RERE: variants seen among roughly 807,000 people sequenced by gnomAD.
RERE encodes the protein arginine-glutamic acid dipeptide repeats protein.
Under a neutral mutation model 146.1 loss-of-function variants are expected in RERE, and 40 were observed. The observed-to-expected ratio is 0.27, with a 90% CI of 0.21 to 0.36. RERE has a LOEUF of 0.36. Ranked by LOEUF, RERE falls within the 10% of genes least tolerant of loss-of-function variation. The pLI, the probability that RERE is intolerant of heterozygous loss-of-function variation, is 1.00. For missense variants in RERE, 1,933 were observed against 2,138.7 expected, an observed-to-expected ratio of 0.90 and a Z score of 1.90; for synonymous variants, 1,003 against 866.0, an observed-to-expected ratio of 1.16 and a Z score of -2.78.
chr1:8,423,607 AG>A lies in RERE; in HGVS notation c.1204-801del, dbSNP rs1198543775. The A allele has an allele frequency of 8.1e-6, 8 of 984,784 alleles. No homozygotes were observed. Among genetic ancestry groups the A allele is most frequent in the Non-Finnish European group, 7.2e-6 (6 of 829,784 alleles). 61.0% of individuals were successfully genotyped at this position (984,784 alleles called of 1,614,324 possible). ...CCGGGCGGCCGACCCCAGCAGCCAC[AG>A]GTAAGCGCCCGGGGTCCGGGGCGGC... On this transcript the variant is annotated intron_variant, in intron 11 of 22. Coordinates refer to ENST00000400908, the MANE Select transcript of RERE (RefSeq NM_001042681.2). This position sits in a 1 kb window ranked among gnomAD's most constrained non-coding sequence, Gnocchi z 5.4.
intron 1 of RERE, among the ~76,000 whole-genome samples, chr1:8,732,080 G>A (rs1640098720): frequency 6.6e-6 from 1 of 152,132 alleles, no homozygotes; most frequent in African/African-American, 2.4e-5. Context: ...TGGGATTATA[G>A]GCATGAGCCA....
chr1:8,398,792 C>T (rs184724141), intron 12 of RERE, among the ~76,000 whole-genome samples: 1 of 152,074 alleles, frequency 6.6e-6, no homozygotes, highest in Non-Finnish European at 1.5e-5. Flanking sequence ...TGCTATACAT[C>T]GAAAAATTTG....
intron 4 of RERE, among the ~76,000 whole-genome samples, chr1:8,600,811 G>A (rs527942407): frequency 4.8e-5 from 7 of 144,618 alleles, no homozygotes; most frequent in African/African-American, 1.6e-4. Context: ...CTGGAGTGCA[G>A]TGGTGCAATC....
At chr1:8,467,437 T>C (rs1415494709) in intron 10 of RERE, among the ~76,000 whole-genome samples, 1 of 152,190 alleles carries the variant, frequency 6.6e-6, no homozygotes. Flanking sequence ...AGCCATGTGT[T>C]TCCTCTTTCT....
chr1:8,377,875 C>T (rs1213701099), intron 12 of RERE, among the ~76,000 whole-genome samples: 1 of 152,056 alleles, frequency 6.6e-6, no homozygotes, highest in Non-Finnish European at 1.5e-5. Context: ...AATTGAATGA[C>T]AGGGGCTGGA....
At chr1:8,732,821 T>C (rs1017801665) in intron 1 of RERE, among the ~76,000 whole-genome samples, 3 of 139,464 alleles carry the variant, frequency 2.2e-5, no homozygotes, top group Non-Finnish European at 3.1e-5. Context: ...TTTTTTTTTT[T>C]TTTTTTTTTT....
intron 1 of RERE, among the ~76,000 whole-genome samples, chr1:8,666,665 A>G (rs1209851454): frequency 6.6e-6 from 1 of 152,274 alleles, no homozygotes; most frequent in Non-Finnish European, 1.5e-5. Context: ...CCTGATGTAG[A>G]GAATACTTCA....
At chr1:8,773,034 C>G (rs941951745) in intron 1 of RERE, among the ~76,000 whole-genome samples, 1 of 151,856 alleles carries the variant, frequency 6.6e-6, no homozygotes, top group Non-Finnish European at 1.5e-5. Context: ...TTGCAGTGAA[C>G]AGAGATCATG....
At chr1:8,517,476 G>T (rs1015991836) in intron 7 of RERE, among the ~76,000 whole-genome samples, 6 of 152,060 alleles carry the variant, frequency 3.9e-5, no homozygotes, top group Non-Finnish European at 7.4e-5. Flanking sequence ...TACAAAAACC[G>T]AATTAAGAAG....
At chr1:8,611,043 A>C (rs987211815) in intron 4 of RERE, among the ~76,000 whole-genome samples, 1 of 151,986 alleles carries the variant, frequency 6.6e-6, no homozygotes, top group Non-Finnish European at 1.5e-5. Context: ...AAATACAAAA[A>C]AAATTGCCAG....
chr1:8,385,546 A>C (rs183810588), intron 12 of RERE, among the ~76,000 whole-genome samples: 1 of 152,258 alleles, frequency 6.6e-6, no homozygotes, highest in Non-Finnish European at 1.5e-5. Context: ...CCAGATGCCA[A>C]AAGGACCCTG....
chr1:8,436,306 G>A (rs1328420934), intron 11 of RERE, among the ~76,000 whole-genome samples: 6 of 152,154 alleles, frequency 3.9e-5, no homozygotes, highest in Non-Finnish European at 8.8e-5. Flanking sequence ...GCGACAGAGC[G>A]AGACTCAATC....
chr1:8,755,849 G>C (rs1193505566), intron 1 of RERE, among the ~76,000 whole-genome samples: 2 of 152,124 alleles, frequency 1.3e-5, no homozygotes, highest in African/African-American at 4.8e-5. Context: ...AGAATCACTT[G>C]AGCCCAGGAG....
chr1:8,777,684 G>A (rs897387512), intron 1 of RERE, among the ~76,000 whole-genome samples: 2 of 151,084 alleles, frequency 1.3e-5, no homozygotes, highest in African/African-American at 2.4e-5. Flanking sequence ...ACAGGTGCCC[G>A]CCACCACACC....
chr1:8,368,488 A>AG (rs1374147616), intron 12 of RERE, among the ~76,000 whole-genome samples: 1 of 151,544 alleles, frequency 6.6e-6, no homozygotes, highest in African/African-American at 2.4e-5. Context: ...AAAAAGAAAA[A>AG]AAAAAAAAAA....
At chr1:8,556,424 T>G (rs754188149) in intron 6 of RERE, 51 bp downstream of exon 6, 2 of 1,043,950 alleles carry the variant, frequency 1.9e-6, no homozygotes, top group African/African-American at 3.1e-5. Context: ...CTCCACCTCC[T>G]GCACTCAGTG....
intron 12 of RERE, among the ~76,000 whole-genome samples, chr1:8,399,692 G>A (rs559697250): frequency 4.6e-5 from 7 of 152,206 alleles, no homozygotes; most frequent in African/African-American, 1.7e-4. Flanking sequence ...AGCAATGAGA[G>A]AGTAAGGGGA....
chr1:8,792,563 TAC>T (rs1168934177), intron 1 of RERE: 4 of 152,234 alleles, frequency 2.6e-5, no homozygotes, highest in African/African-American at 9.6e-5. Flanking sequence ...TGAGCGCACA[TAC>T]AGTTACTCCT....
At chr1:8,464,546 C>T (rs1644570293) in intron 11 of RERE, among the ~76,000 whole-genome samples, 1 of 152,174 alleles carries the variant, frequency 6.6e-6, no homozygotes, top group Non-Finnish European at 1.5e-5. Context: ...CATGCCCTGA[C>T]AGCAGGCCAA....
Sources: gnomAD v4.1 joint callset for allele counts (sites outside exome capture counted in the v4.1 genomes callset) on GRCh38, gnomAD v4.1.1 for gene constraint, Gnocchi (gnomAD v3.1) non-coding constraint, MANE v1.5 for transcripts, NCBI Gene and HGNC (gene_info 2026-07-23, HGNC 2026-07-21) for gene names.